Variants in ADGRB3 observed in about 807,000 individuals in gnomAD.
ADGRB3 encodes the protein brain-specific angiogenesis inhibitor 3.
Under a neutral mutation model 193.4 loss-of-function variants are expected in ADGRB3, and 37 were observed. The ratio of observed to expected loss-of-function variants is 0.19; its 90% confidence interval spans 0.15 to 0.25. The LOEUF (loss-of-function observed/expected upper bound fraction) is 0.25, where lower values mean the gene tolerates loss of function less well. Ranked by LOEUF, ADGRB3 falls within the 10% of genes least tolerant of loss-of-function variation. The pLI is 1.00. For synonymous variants in ADGRB3, 690 were observed against 644.2 expected, an observed-to-expected ratio of 1.07 and a Z score of -1.08; for missense variants, 1,637 against 1,852.9, an observed-to-expected ratio of 0.88 and a Z score of 2.14.
In ADGRB3 at chr6:69,233,124, T is replaced by C. The variant is rs1273591219; in HGVS notation, c.2481-166T>C. 4 of 968,898 alleles carry C rather than the reference T, an allele frequency of 4.1e-6. No homozygotes were observed. In the African/African-American group the frequency reaches 5.0e-5, roughly 12 times the overall value. The allele number at this position is 968,898 out of a possible 1,614,324, so 60.0% of individuals were successfully genotyped here. A position where few individuals can be genotyped will look rare whatever the true frequency, so the allele number is the denominator to read the frequency against. ...TTTTCCCACTCTCGCTTTGCATTAC[T>C]GGAGATGCATCTAAATTACATCCTG... On this transcript the variant is annotated intron_variant, in intron 17 of 31. Transcript: ENST00000370598.
intron 17 of ADGRB3, among the ~76,000 whole-genome samples, chr6:69,142,947 A>G (rs754679648): frequency 6.6e-6 from 1 of 151,956 alleles, no homozygotes; most frequent in Non-Finnish European, 1.5e-5. Flanking sequence ...ATCATATGGT[A>G]CCTCTTCCAA....
chr6:69,075,949 T>C (rs1582442429), intron 16 of ADGRB3, 46 bp from the exon 17 acceptor site: 3 of 1,406,140 alleles, frequency 2.1e-6, no homozygotes, highest in Non-Finnish European at 3.0e-6. Context: ...AATCTTTTTA[T>C]ATATGTACTC....
intron 3 of ADGRB3, among the ~76,000 whole-genome samples, chr6:68,865,470 C>T (rs936835613): frequency 2.6e-5 from 4 of 152,068 alleles, no homozygotes; most frequent in Non-Finnish European, 5.9e-5. Context: ...TCATGGGGTA[C>T]ATAGGTGCAT....
intron 3 of ADGRB3, among the ~76,000 whole-genome samples, chr6:68,807,228 CTTTTTTCTTTTTTT>C (rs1767418845): frequency 1.1e-5 from 1 of 94,670 alleles, no homozygotes. Flanking sequence ...TTTCTTTTTT[CTTTTTTCTTTTTTT>C]TTTTTTTTTT....
intron 3 of ADGRB3, among the ~76,000 whole-genome samples, chr6:68,785,236 A>C (rs900667053): frequency 2.6e-5 from 4 of 151,916 alleles, no homozygotes; most frequent in Non-Finnish European, 5.9e-5. Flanking sequence ...TGCATGGGCC[A>C]TGTCGGTGTG....
intron 16 of ADGRB3, among the ~76,000 whole-genome samples, chr6:69,070,873 G>T (rs1225485999): frequency 6.6e-6 from 1 of 152,202 alleles, no homozygotes; most frequent in Admixed American, 6.5e-5. Flanking sequence ...TTGGTCATTT[G>T]TATTGTGACA....
At chr6:68,835,507 T>G (rs1012024171) in intron 3 of ADGRB3, among the ~76,000 whole-genome samples, 1 of 152,180 alleles carries the variant, frequency 6.6e-6, no homozygotes, top group African/African-American at 2.4e-5. Context: ...ACATGACTTA[T>G]TAAGGAACTA....
chr6:68,723,309 T>A (rs967552065), intron 3 of ADGRB3, among the ~76,000 whole-genome samples: 3 of 151,744 alleles, frequency 2.0e-5, no homozygotes, highest in Admixed American at 1.3e-4. Context: ...ACTGGTATCT[T>A]CTATCTTCAG....
intron 10 of ADGRB3, among the ~76,000 whole-genome samples, chr6:68,992,403 C>T (rs1769261840): frequency 1.3e-5 from 2 of 152,158 alleles, no homozygotes. Context: ...TTTGAGGGTT[C>T]ATGTCCTTCT....
Position 69,062,994 on chromosome 6 carries a change from A to G in ADGRB3, c.2394A>G (p.Thr798=), listed in dbSNP as rs749961263. 10 of 1,612,422 alleles carry G rather than the reference A, an allele frequency of 6.2e-6. No homozygotes were observed. The East Asian group carries it at 6.7e-5, about 11-fold the overall frequency. The change falls in exon 16 of 32, where the codon ACA becomes ACG. Residue 798 remains threonine, a synonymous_variant. Coordinates refer to ENST00000370598, the MANE Select transcript of ADGRB3 (RefSeq NM_001704.3). The part of the protein sequence containing the change: ...IVVTIRPEPK[T]TDSFLEIELA... ...TCACAATAAGGCCTGAACCCAAAAC[A>G]ACCGATTCGTTTCTGGAGATAGAAC...
At chr6:68,812,130 G>A (rs1382929911) in intron 3 of ADGRB3, among the ~76,000 whole-genome samples, 1 of 152,098 alleles carries the variant, frequency 6.6e-6, no homozygotes, top group Non-Finnish European at 1.5e-5. Flanking sequence ...GTGTTCTTAG[G>A]AGACACTGAG....
chr6:68,812,206 C>G (rs894846680), intron 3 of ADGRB3, among the ~76,000 whole-genome samples: 3 of 151,934 alleles, frequency 2.0e-5, no homozygotes, highest in Non-Finnish European at 4.4e-5. Flanking sequence ...TGGGTGTGAC[C>G]CATTTATAAA....
At chr6:69,323,533 A>G (rs1193735364) in intron 20 of ADGRB3, among the ~76,000 whole-genome samples, 4 of 152,062 alleles carry the variant, frequency 2.6e-5, no homozygotes, top group Non-Finnish European at 5.9e-5. Context: ...ATAAGCAGAA[A>G]CAAGTACTAA....
At chr6:69,251,224 C>G (rs1766610835) in intron 20 of ADGRB3, among the ~76,000 whole-genome samples, 1 of 152,158 alleles carries the variant, frequency 6.6e-6, no homozygotes, top group Admixed American at 6.6e-5. Flanking sequence ...CTTCTTCCAG[C>G]CTTGGGCTAG....
At chr6:68,726,157 T>A (rs1340401182) in intron 3 of ADGRB3, among the ~76,000 whole-genome samples, 1 of 151,670 alleles carries the variant, frequency 6.6e-6, no homozygotes, top group African/African-American at 2.4e-5. Context: ...TCAAATATTG[T>A]ATGCTGGAAA....
chr6:68,676,526 C>T (rs1016797107), intron 3 of ADGRB3, among the ~76,000 whole-genome samples: 9 of 151,824 alleles, frequency 5.9e-5, no homozygotes. Context: ...AATGCAATAA[C>T]GACATTGCAA....
intron 20 of ADGRB3, among the ~76,000 whole-genome samples, chr6:69,283,892 C>T (rs954822438): frequency 1.3e-5 from 2 of 152,146 alleles, no homozygotes; most frequent in African/African-American, 4.8e-5. Context: ...AATGGCTGAG[C>T]TTTGTACTTG....
chr6:69,332,498 G>C, intron 23 of ADGRB3: 1 of 985,386 alleles, frequency 1.0e-6, no homozygotes, highest in Non-Finnish European at 1.2e-6. Context: ...CAAATCATCA[G>C]CACCTTTTGC....
intron 11 of ADGRB3, among the ~76,000 whole-genome samples, chr6:69,000,769 T>C (rs1342796446): frequency 6.6e-6 from 1 of 152,228 alleles, no homozygotes; most frequent in Non-Finnish European, 1.5e-5. Context: ...CAGTTGGCTA[T>C]GATGGTGCTG....
Sources: gnomAD v4.1 joint callset for allele counts (sites outside exome capture counted in the v4.1 genomes callset) on GRCh38, gnomAD v4.1.1 for gene constraint, MANE v1.5 for transcripts, NCBI Gene and HGNC (gene_info 2026-07-23, HGNC 2026-07-21) for gene names.